The following UNC13C variants were observed in gnomAD, a reference collection of about 807,000 sequenced individuals.
UNC13C encodes the protein unc-13 homolog C.
A neutral mutation model predicts 245.4 loss-of-function variants in UNC13C; 174 were observed. The observed-to-expected ratio is 0.71, with a 90% CI of 0.63 to 0.80. UNC13C has a LOEUF of 0.80. UNC13C is among the 30% of genes least tolerant of loss of function. The probability of loss-of-function intolerance (pLI) is 0.00; values close to 1 mark genes in which losing one functional copy is unlikely to be tolerated. For missense variants in UNC13C, 2,829 were observed against 2,602.9 expected, an observed-to-expected ratio of 1.09 and a Z score of -1.89; for synonymous variants, 992 against 895.1, an observed-to-expected ratio of 1.11 and a Z score of -1.93.
chr15:54,137,505 A>G (rs1176736687), intron 2 of UNC13C, among the ~76,000 whole-genome samples: 1 of 152,154 alleles, frequency 6.6e-6, no homozygotes, highest in African/African-American at 2.4e-5. Flanking sequence ...GTTGTTACTC[A>G]TTATTGGTCT....
intron 1 of UNC13C, among the ~76,000 whole-genome samples, chr15:53,981,716 G>T (rs1236679694): frequency 6.6e-6 from 1 of 152,130 alleles, no homozygotes; most frequent in East Asian, 1.9e-4. Flanking sequence ...AGAGAAAATG[G>T]ATGCCACAGC....
At chr15:54,411,024 G>A (rs1238792017) in intron 18 of UNC13C, among the ~76,000 whole-genome samples, 1 of 151,594 alleles carries the variant, frequency 6.6e-6, no homozygotes, top group African/African-American at 2.4e-5. Context: ...TCTGCCTTTT[G>A]TTTTTTTTAA....
the UNC13C span, among the ~76,000 whole-genome samples, chr15:53,881,129 T>C: frequency 6.7e-6 from 1 of 149,392 alleles, no homozygotes; most frequent in Admixed American, 6.7e-5. Flanking sequence ...CTCTAAGAAG[T>C]TGGGGATTGT....
intron 19 of UNC13C, among the ~76,000 whole-genome samples, chr15:54,433,560 A>G (rs911095131): frequency 6.6e-6 from 1 of 152,074 alleles, no homozygotes; most frequent in Non-Finnish European, 1.5e-5. Context: ...CTCTCAATAA[A>G]CTAGGTATTG....
the UNC13C span, among the ~76,000 whole-genome samples, chr15:53,851,796 A>G: frequency 6.6e-6 from 1 of 152,180 alleles, no homozygotes; most frequent in Admixed American, 6.6e-5. Flanking sequence ...TAGAAGCCCA[A>G]GAAGACAGAG....
chr15:54,379,581 A>G (rs943919499), intron 17 of UNC13C, among the ~76,000 whole-genome samples: 1 of 152,132 alleles, frequency 6.6e-6, no homozygotes, highest in African/African-American at 2.4e-5. Context: ...GAGCAGTGCT[A>G]TGTATGTAAG....
intron 20 of UNC13C, among the ~76,000 whole-genome samples, chr15:54,495,924 T>C (rs1893930263): frequency 4.6e-5 from 7 of 151,746 alleles, no homozygotes; most frequent in Admixed American, 2.6e-4. Flanking sequence ...TACTATGGGG[T>C]ATAGGGTGTT....
intron 24 of UNC13C, among the ~76,000 whole-genome samples, chr15:54,524,760 A>G (rs778375349): frequency 4.0e-4 from 61 of 152,266 alleles, no homozygotes; most frequent in African/African-American, 1.4e-3. Context: ...TTACTCCCCA[A>G]ACTTGGCTTT....
chr15:54,074,625 T>G (rs1456332500), intron 2 of UNC13C, among the ~76,000 whole-genome samples: 2 of 152,200 alleles, frequency 1.3e-5, no homozygotes, highest in Non-Finnish European at 2.9e-5. Flanking sequence ...CCTAGGTATT[T>G]TATTCTCTTT....
rs1434758930 is a variant in UNC13C, at chr15:54,589,286, CTTCTTTTTTTTTT to C, written c.6106+21342_6106+21354del. On this transcript the variant is annotated intron_variant, in intron 30 of 32. Coordinates refer to ENST00000260323, the MANE Select transcript of UNC13C (RefSeq NM_001080534.3). The stretch of plus-strand genomic sequence containing the variant: ...TTAGCCATTTGTATATCTTCTTCTT[CTTCTTTTTTTTTT>C]TTTTTTTTTTTTTTTTTGAGACTGA... Among the ~76,000 whole-genome samples, 381 of 77,960 alleles carry C rather than the reference CTTCTTTTTTTTTT, an allele frequency of 4.9e-3. 2 individuals carry two copies. Among genetic ancestry groups the C allele is most frequent in the African/African-American group, 0.016 (361 of 22,798 alleles). 51.1% of individuals were successfully genotyped at this position (77,960 alleles called of 152,430 possible). A position where few individuals can be genotyped will look rare whatever the true frequency, so the allele number is the denominator to read the frequency against.
At chr15:54,589,320 A>C (rs1898656261) in intron 30 of UNC13C, among the ~76,000 whole-genome samples, 1 of 22,366 alleles carries the variant, frequency 4.5e-5, no homozygotes, top group Non-Finnish European at 9.9e-5. Flanking sequence ...TTTTTTTGAG[A>C]CTGAGTCTCA....
intron 18 of UNC13C, among the ~76,000 whole-genome samples, chr15:54,412,327 G>A (rs1396895267): frequency 1.3e-5 from 2 of 152,178 alleles, no homozygotes; most frequent in African/African-American, 4.8e-5. Context: ...GAAGGCTGAG[G>A]GGAAGCAAGC....
At chr15:54,394,335 C>T (rs915313760) in intron 18 of UNC13C, among the ~76,000 whole-genome samples, 4 of 151,656 alleles carry the variant, frequency 2.6e-5, no homozygotes, top group African/African-American at 9.7e-5. Flanking sequence ...CCCTTTTCCC[C>T]CACACCTAAT....
chr15:54,552,596 T>C (rs1441716299), intron 28 of UNC13C, among the ~76,000 whole-genome samples: 2 of 36,966 alleles, frequency 5.4e-5, no homozygotes, highest in East Asian at 8.9e-4. Flanking sequence ...TTGTACAATA[T>C]ATAATATATA....
At chr15:53,946,530 G>A in the UNC13C span, among the ~76,000 whole-genome samples, 3 of 150,998 alleles carry the variant, frequency 2.0e-5, no homozygotes, top group Admixed American at 2.0e-4. Flanking sequence ...AGACTAGCCT[G>A]GCCAATATGG....
intron 10 of UNC13C, among the ~76,000 whole-genome samples, chr15:54,275,665 C>A (rs896237297): frequency 6.6e-6 from 1 of 152,022 alleles, no homozygotes; most frequent in Non-Finnish European, 1.5e-5. Context: ...TACCTTTATC[C>A]TGTTGTCACT....
intron 2 of UNC13C, among the ~76,000 whole-genome samples, chr15:54,121,840 T>C (rs2030689347): frequency 6.6e-6 from 1 of 152,096 alleles, no homozygotes; most frequent in Non-Finnish European, 1.5e-5. Flanking sequence ...TATTTTTCTC[T>C]GTAAAGGTAT....
intron 2 of UNC13C, among the ~76,000 whole-genome samples, chr15:54,027,951 A>T (rs983924595): frequency 3.3e-5 from 5 of 152,218 alleles, no homozygotes; most frequent in African/African-American, 1.2e-4. Context: ...CCTTGAGCAC[A>T]TGTCAAACTT....
chr15:54,344,370 C>G (rs2038809652), intron 17 of UNC13C, among the ~76,000 whole-genome samples: 1 of 152,086 alleles, frequency 6.6e-6, no homozygotes. Flanking sequence ...TATGTCACAT[C>G]AAAATAATCT....
Sources: allele counts gnomAD v4.1 joint callset (sites outside exome capture counted in the v4.1 genomes callset), GRCh38; gene constraint gnomAD v4.1.1; transcripts MANE v1.5; gene names NCBI Gene and HGNC (gene_info 2026-07-23, HGNC 2026-07-21).